Variants in ZNF710 observed in about 807,000 individuals in gnomAD.
ZNF710 encodes zinc finger protein 710.
ZNF710 carries 13 observed loss-of-function variants against 50.6 expected under a neutral mutation model. The observed-to-expected ratio is 0.26, with a 90% CI of 0.17 to 0.41. The LOEUF (loss-of-function observed/expected upper bound fraction) is 0.41. Ranked by LOEUF, ZNF710 falls within the 10% of genes least tolerant of loss-of-function variation. The pLI is 1.00. For synonymous variants in ZNF710, 383 were observed against 397.0 expected (o/e 0.96, Z 0.42); for missense variants, 721 against 936.6 (o/e 0.77, Z 3.01).
intron 1 of ZNF710, among the ~76,000 whole-genome samples, chr15:90,015,699 G>A (rs1283973501): frequency 6.6e-6 from 1 of 151,270 alleles, no homozygotes; most frequent in Non-Finnish European, 1.5e-5. Flanking sequence ...AGGCTTAAGC[G>A]ATCCTCCCAC....
intron 1 of ZNF710, among the ~76,000 whole-genome samples, chr15:90,003,104 GACCTC>G (rs1252287765): frequency 6.6e-6 from 1 of 152,180 alleles, no homozygotes; most frequent in Non-Finnish European, 1.5e-5. Flanking sequence ...TCAAACTCCT[GACCTC>G]GTGATCCGCC....
intron 1 of ZNF710, among the ~76,000 whole-genome samples, chr15:90,045,862 G>A (rs1482423697): frequency 6.6e-6 from 1 of 152,124 alleles, no homozygotes; most frequent in Admixed American, 6.5e-5. Flanking sequence ...AGGTAGCAGG[G>A]GCCAGGTCTC....
chr15:90,069,721 G>A (rs951175669), intron 2 of ZNF710, among the ~76,000 whole-genome samples: 5 of 152,174 alleles, frequency 3.3e-5, no homozygotes, highest in African/African-American at 1.2e-4. Flanking sequence ...TCTAGAATAT[G>A]GCTAAACTAG....
chr15:90,012,324 G>A (rs1160407213), intron 1 of ZNF710, among the ~76,000 whole-genome samples: 1 of 68,922 alleles, frequency 1.5e-5, no homozygotes, highest in South Asian at 4.4e-4. Context: ...TTGTAGTCTT[G>A]CTCTGTCTCC....
chr15:90,015,564 ATAAAT>A (rs1439319522), intron 1 of ZNF710, among the ~76,000 whole-genome samples: 1 of 152,044 alleles, frequency 6.6e-6, no homozygotes, highest in Non-Finnish European at 1.5e-5. Flanking sequence ...GAACTGGTAA[ATAAAT>A]TATCCAGCCA....
intron 1 of ZNF710, among the ~76,000 whole-genome samples, chr15:90,065,197 C>G (rs1185624793): frequency 6.6e-6 from 1 of 152,160 alleles, no homozygotes; most frequent in Non-Finnish European, 1.5e-5. Flanking sequence ...TATTTTTAGC[C>G]GTCCTCAGGA....
intron 1 of ZNF710, among the ~76,000 whole-genome samples, chr15:90,031,176 T>C (rs1413702616): frequency 2.0e-5 from 3 of 152,178 alleles, no homozygotes; most frequent in Admixed American, 2.0e-4. Context: ...CAGTTGGTGG[T>C]GATGGGTTTT....
At chr15:90,031,867 A>G (rs968903655) in intron 1 of ZNF710, among the ~76,000 whole-genome samples, 2 of 152,222 alleles carry the variant, frequency 1.3e-5, no homozygotes, top group African/African-American at 4.8e-5. Context: ...TGGGCCAGCT[A>G]TGAACTGTTA....
At chr15:90,070,516 AT>A (rs1419308934) in intron 2 of ZNF710, among the ~76,000 whole-genome samples, 1 of 151,850 alleles carries the variant, frequency 6.6e-6, no homozygotes, top group Non-Finnish European at 1.5e-5. Context: ...TACTAAAAAT[AT>A]TTTTTAAAAA....
At chr15:90,056,511 T>C (rs563099782) in intron 1 of ZNF710, among the ~76,000 whole-genome samples, 1 of 151,600 alleles carries the variant, frequency 6.6e-6, no homozygotes, top group African/African-American at 2.4e-5. Flanking sequence ...GACAGGAGGG[T>C]CCCCAAAGTT....
At chr15:90,058,647 G>A (rs1010851547) in intron 1 of ZNF710, among the ~76,000 whole-genome samples, 3 of 151,504 alleles carry the variant, frequency 2.0e-5, no homozygotes, top group Non-Finnish European at 4.4e-5. Flanking sequence ...TGTGATTATT[G>A]TATCAGTCAG....
At chr15:90,000,896 T>A (rs1045505683), upstream of ZNF710, among the ~76,000 whole-genome samples, 3 of 151,966 alleles carry the variant, frequency 2.0e-5, no homozygotes, top group African/African-American at 7.2e-5. Context: ...GCCCCCTTTG[T>A]ACCGGACAGG....
chr15:90,045,886 A>G (rs565867972), intron 1 of ZNF710, among the ~76,000 whole-genome samples: 1 of 152,262 alleles, frequency 6.6e-6, no homozygotes, highest in African/African-American at 2.4e-5. Context: ...TGGAGGACCT[A>G]CCGCATGTCT....
In ZNF710 at chr15:90,068,381, A is replaced by T. The variant is rs892026047; in HGVS notation, c.1244A>T (p.Asp415Val). The T allele has an allele frequency of 6.2e-7, 1 of 1,612,746 alleles. No homozygotes were observed. Among genetic ancestry groups the T allele is most frequent in the Non-Finnish European group, 8.5e-7 (1 of 1,179,550 alleles). The change falls in exon 2 of 5, where the codon GAC becomes GTC. Residue 415 changes from aspartate (D) to valine (V), a missense_variant. By Grantham distance (152) the Asp-to-Val change is radical. Around this residue, in one of 3 missense-constraint regions of ZNF710, gnomAD observed 326 missense variants for 522.0 expected, o/e 0.62. Coordinates refer to ENST00000268154, the MANE Select transcript of ZNF710 (RefSeq NM_198526.4). This position sits in a 1 kb window ranked among gnomAD's most constrained non-coding sequence, Gnocchi z 5.0. ...RCHVCVECGL[D>V]FSTLTQLKRH... The stretch of plus-strand genomic sequence containing the variant: ...CATGTCTGCGTCGAGTGCGGCCTGG[A>T]CTTCTCCACCCTGACCCAGCTCAAG...
intron 1 of ZNF710, among the ~76,000 whole-genome samples, chr15:90,022,425 A>G (rs1224676703): frequency 6.6e-6 from 1 of 152,178 alleles, no homozygotes; most frequent in Non-Finnish European, 1.5e-5. Context: ...CAAACATGCA[A>G]AGGCAGCAAG....
chr15:89,999,528 G>A (rs113689178), upstream of ZNF710, among the ~76,000 whole-genome samples: 4 of 152,298 alleles, frequency 2.6e-5, no homozygotes, highest in African/African-American at 9.6e-5. Context: ...GGGGGCTCAG[G>A]GTGCTGATGT....
At chr15:90,016,246 A>G (rs1898453179) in intron 1 of ZNF710, among the ~76,000 whole-genome samples, 2 of 152,154 alleles carry the variant, frequency 1.3e-5, no homozygotes, top group African/African-American at 2.4e-5. Context: ...GCATTTTCAC[A>G]TAGACGATTT....
chr15:90,033,722 C>T (rs755165273), intron 1 of ZNF710, among the ~76,000 whole-genome samples: 16 of 152,206 alleles, frequency 1.1e-4, no homozygotes, highest in African/African-American at 3.4e-4. Flanking sequence ...CCATGCCCAG[C>T]TTGTCCCATA....
At chr15:90,079,569 C>G in intron 4 of ZNF710, 91 bp from the exon 5 acceptor site, 1 of 1,507,452 alleles carries the variant, frequency 6.6e-7, no homozygotes, top group Non-Finnish European at 9.0e-7. Context: ...GGGAAGCCCT[C>G]TCTTTAGAAA....
Sources: allele counts gnomAD v4.1 joint callset (sites outside exome capture counted in the v4.1 genomes callset), GRCh38; gene constraint gnomAD v4.1.1; regional missense constraint gnomAD v4.1.1; non-coding constraint Gnocchi (gnomAD v3.1); transcripts MANE v1.5; gene names NCBI Gene and HGNC (gene_info 2026-07-23, HGNC 2026-07-21).